Variants in NSD2 observed in about 807,000 individuals in gnomAD.
NSD2 encodes the protein histone-lysine N-methyltransferase NSD2.
NSD2 carries 12 observed loss-of-function variants against 139.0 expected under a neutral mutation model. The observed-to-expected ratio is 0.09, with a 90% CI of 0.06 to 0.14. NSD2 has a LOEUF of 0.14. Ranked by LOEUF, NSD2 falls within the 10% of genes least tolerant of loss-of-function variation. The pLI, the probability that NSD2 is intolerant of heterozygous loss-of-function variation, is 1.00. For synonymous variants in NSD2, 669 were observed against 648.7 expected, an observed-to-expected ratio of 1.03 and a Z score of -0.48; for missense variants, 1,155 against 1,745.0, an observed-to-expected ratio of 0.66 and a Z score of 6.02.
chr4:1,908,603 T>A (rs570101942), intron 3 of NSD2, among the ~76,000 whole-genome samples: 1 of 151,834 alleles, frequency 6.6e-6, no homozygotes, highest in Non-Finnish European at 1.5e-5. Context: ...CAAAGAGAAG[T>A]GAGGGAAGGA....
intron 1 of NSD2, among the ~76,000 whole-genome samples, chr4:1,878,891 C>T (rs1183913413): frequency 6.6e-6 from 1 of 152,178 alleles, no homozygotes; most frequent in Non-Finnish European, 1.5e-5. Flanking sequence ...ATTGCCCGGA[C>T]TGGGCCATAG....
intron 1 of NSD2, among the ~76,000 whole-genome samples, chr4:1,872,628 G>GAGAGAGAGAGAGAGAGAGAT (rs1347085007): frequency 6.9e-6 from 1 of 144,722 alleles, no homozygotes. Flanking sequence ...GAGAGAGAGA[G>GAGAGAGAGAGAGAGAGAGAT]AGAGAGAGCG....
chr4:1,941,298 G>A (rs1723069004), intron 9 of NSD2: 1 of 1,055,508 alleles, frequency 9.5e-7, no homozygotes, highest in East Asian at 5.3e-5. Flanking sequence ...ATTTTGGTCC[G>A]GTTATTCACT....
intron 15 of NSD2, 128 bp from the exon 16 acceptor site, chr4:1,957,805 C>T (rs1054141151): frequency 8.0e-6 from 7 of 878,714 alleles, no homozygotes; most frequent in Admixed American, 2.8e-5. Context: ...TTCATAGACT[C>T]TAGTTTTATG....
intron 10 of NSD2, among the ~76,000 whole-genome samples, chr4:1,951,830 A>T (rs114406880): frequency 0.02 from 3,069 of 152,302 alleles, 54 homozygotes; most frequent in Non-Finnish European, 0.026. Context: ...ATCTGATTTG[A>T]AATATCTTGG....
intron 1 of NSD2, among the ~76,000 whole-genome samples, chr4:1,889,593 C>T (rs988421136): frequency 6.6e-6 from 1 of 152,026 alleles, no homozygotes; most frequent in African/African-American, 2.4e-5. Context: ...CCTCCGCCTC[C>T]TGAGTTCAAG....
chr4:1,934,264 T>C (rs1222384146), intron 6 of NSD2, among the ~76,000 whole-genome samples: 2 of 151,896 alleles, frequency 1.3e-5, no homozygotes, highest in Admixed American at 1.3e-4. Context: ...TTTGTATTTT[T>C]AGTAGAGATG....
intron 5 of NSD2, among the ~76,000 whole-genome samples, chr4:1,923,260 G>C (rs573814536): frequency 7.3e-5 from 11 of 151,588 alleles, no homozygotes; most frequent in Admixed American, 1.3e-4. Flanking sequence ...AGGCTGAAGC[G>C]GGAGGATTGC....
At chr4:1,941,772 T>C in intron 9 of NSD2, 1 of 1,049,580 alleles carries the variant, frequency 9.5e-7, no homozygotes, top group Non-Finnish European at 1.2e-6. Flanking sequence ...TGTTCATTTT[T>C]ATAGAATTAT....
Position 1,958,235 on chromosome 4 carries a change from T to C in NSD2, c.2985+199T>C, listed in dbSNP as rs116831094. On this transcript the variant is annotated intron_variant, in intron 16 of 21. Transcript: ENST00000508803. The surrounding 1 kb of genome is among the most constrained non-coding windows in gnomAD (Gnocchi z 4.6). ...CTGCATGGGGGTTCTTGGATCCGCC[T>C]TGGAGTGTGAGGCTTGGCTTGGTAG... Among the ~76,000 whole-genome samples, 3,329 of 152,274 alleles carry C rather than the reference T, an allele frequency of 0.022. 68 individuals are homozygous for C. The highest frequency in any genetic ancestry group is 0.036 in the Non-Finnish European group (2,479 of 68,008).
At chr4:1,913,023 A>G (rs1442400300) in intron 3 of NSD2, among the ~76,000 whole-genome samples, 1 of 152,266 alleles carries the variant, frequency 6.6e-6, no homozygotes, top group Non-Finnish European at 1.5e-5. Flanking sequence ...ACATGATTAT[A>G]TATGAATATT....
intron 11 of NSD2, chr4:1,952,797 A>G (rs1311424079): frequency 5.2e-6 from 6 of 1,157,620 alleles, no homozygotes; most frequent in Non-Finnish European, 4.3e-6. Flanking sequence ...ATGAGAGGAC[A>G]CCTGCACAGC....
In NSD2 at chr4:1,938,508, G is replaced by GCCT. The variant is rs776864412; in HGVS notation, c.1737_1739dup (p.Ser580dup). The GCCT allele has an allele frequency of 4.6e-6, 7 of 1,524,110 alleles. No homozygotes were observed. The South Asian group carries it at 7.8e-5, about 17-fold the overall frequency. The allele number at this position is 1,524,110 out of a possible 1,614,324, so 94.4% of individuals were successfully genotyped here. A position where few individuals can be genotyped will look rare whatever the true frequency, so the allele number is the denominator to read the frequency against. ...AAGCTCTTACAAGGCCATGGAGGCA[G>GCCT]CCTCCTCGCTCAAGAGCCAGGCAGG... On this transcript the variant is annotated inframe_insertion, in exon 8 of 22. Transcript: ENST00000508803.
At chr4:1,946,331 A>G in intron 9 of NSD2, 1 of 650,598 alleles carries the variant, frequency 1.5e-6, no homozygotes, top group Non-Finnish European at 1.9e-6. Context: ...TAAGTGGCAC[A>G]ATCTCGGCTC....
chr4:1,977,511 C>T (rs974492348), intron 21 of NSD2, among the ~76,000 whole-genome samples: 12 of 152,246 alleles, frequency 7.9e-5, no homozygotes, highest in Non-Finnish European at 1.8e-4. Context: ...TGCGGGGGCT[C>T]ATGCCTGTAA....
At chr4:1,921,110 T>G (rs1052928217) in intron 5 of NSD2, among the ~76,000 whole-genome samples, 1 of 152,232 alleles carries the variant, frequency 6.6e-6, no homozygotes, top group African/African-American at 2.4e-5. Flanking sequence ...TAAATCTGTT[T>G]AAGGATATGT....
chr4:1,889,695 C>G (rs577036958), intron 1 of NSD2, among the ~76,000 whole-genome samples: 12 of 152,036 alleles, frequency 7.9e-5, no homozygotes, highest in African/African-American at 2.7e-4. Context: ...GAGAGAGTTT[C>G]ATCATGTTGG....
intron 7 of NSD2, among the ~76,000 whole-genome samples, chr4:1,935,994 C>G (rs940097933): frequency 1.3e-5 from 2 of 152,332 alleles, no homozygotes; most frequent in African/African-American, 4.8e-5. Context: ...GTCAACAGTT[C>G]ATTAAAGGCA....
intron 2 of NSD2, among the ~76,000 whole-genome samples, chr4:1,902,931 T>C (rs2108752701): frequency 6.6e-6 from 1 of 152,128 alleles, no homozygotes. Context: ...TCCCAGCACT[T>C]TGGGAGGCTG....
Sources: gnomAD v4.1 joint callset for allele counts (sites outside exome capture counted in the v4.1 genomes callset) on GRCh38, gnomAD v4.1.1 for gene constraint, Gnocchi (gnomAD v3.1) non-coding constraint, MANE v1.5 for transcripts, NCBI Gene and HGNC (gene_info 2026-07-23, HGNC 2026-07-21) for gene names.